TSPAN16: variants seen among roughly 807,000 people sequenced by gnomAD.
TSPAN16 encodes the protein tetraspanin-16.
Under a neutral mutation model 25.2 loss-of-function variants are expected in TSPAN16, and 23 were observed. The observed-to-expected ratio is 0.91, with a 90% CI of 0.66 to 1.29. The LOEUF is 1.29. Among genes scored for constraint, TSPAN16 ranks in the 50% most tolerant of loss-of-function variants. The pLI is 0.00. For synonymous variants in TSPAN16, 123 were observed against 124.4 expected, an observed-to-expected ratio of 0.99 and a Z score of 0.08; for missense variants, 272 against 299.9, an observed-to-expected ratio of 0.91 and a Z score of 0.69.
intron 6 of TSPAN16, among the ~76,000 whole-genome samples, chr19:11,315,388 T>TGG (rs1486215925): frequency 3.4e-5 from 5 of 148,542 alleles, no homozygotes; most frequent in Non-Finnish European, 7.4e-5. Context: ...AAACCCCGTC[T>TGG]CTACTAAAAT....
At chr19:11,307,817 T>C (rs1185007782) in intron 5 of TSPAN16, 1 of 152,180 alleles carries the variant, frequency 6.6e-6, no homozygotes, top group Non-Finnish European at 1.5e-5. Context: ...GTGTTCAGCT[T>C]ATTTTGACAA....
At chr19:11,302,654 C>A (rs1248773339) in intron 4 of TSPAN16, among the ~76,000 whole-genome samples, 1 of 100,726 alleles carries the variant, frequency 9.9e-6, no homozygotes, top group African/African-American at 6.1e-5. Context: ...TATATATATA[C>A]ACATACATAT....
intron 5 of TSPAN16, among the ~76,000 whole-genome samples, chr19:11,309,998 G>C (rs1013678774): frequency 1.3e-5 from 2 of 152,104 alleles, no homozygotes; most frequent in African/African-American, 4.8e-5. Flanking sequence ...TCAGCTGCTT[G>C]GGAGGCTGAC....
downstream of TSPAN16, among the ~76,000 whole-genome samples, chr19:11,320,684 A>T (rs1456923530): frequency 1.3e-5 from 2 of 151,800 alleles, no homozygotes; most frequent in African/African-American, 4.8e-5. Flanking sequence ...AAAAAAAAAA[A>T]AAAGAAAAGA....
At chr19:11,318,274 C>G (rs1427626499), downstream of TSPAN16, among the ~76,000 whole-genome samples, 1 of 152,080 alleles carries the variant, frequency 6.6e-6, no homozygotes, top group East Asian at 1.9e-4. Flanking sequence ...ATCCGCCCCC[C>G]TAGGCCTCCC....
intron 4 of TSPAN16, among the ~76,000 whole-genome samples, chr19:11,304,003 A>C (rs1411656503): frequency 1.3e-5 from 2 of 151,110 alleles, no homozygotes; most frequent in African/African-American, 4.9e-5. Flanking sequence ...GCTGGTCTCA[A>C]ATTTTTGACC....
intron 4 of TSPAN16, among the ~76,000 whole-genome samples, chr19:11,303,632 C>T (rs901627585): frequency 1.3e-5 from 2 of 150,840 alleles, no homozygotes; most frequent in African/African-American, 4.9e-5. Context: ...AACTCAGCCT[C>T]CCAAAGTGCT....
intron 6 of TSPAN16, chr19:11,326,706 C>A: frequency 1.5e-6 from 1 of 670,302 alleles, no homozygotes; most frequent in South Asian, 1.6e-5. Flanking sequence ...TGGGCTCAAG[C>A]GATCCTCCCG....
At chr19:11,318,686 G>T (rs760412124), downstream of TSPAN16, among the ~76,000 whole-genome samples, 1 of 150,714 alleles carries the variant, frequency 6.6e-6, no homozygotes, top group Non-Finnish European at 1.5e-5. Context: ...TTGCTCTGTC[G>T]CCCAAGCTGG....
chr19:11,325,290 A>G (rs1373588702), intron 6 of TSPAN16: 1 of 702,200 alleles, frequency 1.4e-6, no homozygotes, highest in Non-Finnish European at 2.3e-6. Context: ...AGCAGTTGAC[A>G]GGAGGGAAGG....
chr19:11,324,824 G>C (rs191546333), intron 6 of TSPAN16: 1 of 152,484 alleles, frequency 6.6e-6, no homozygotes, highest in Admixed American at 6.6e-5. Flanking sequence ...GCTGCTTTTC[G>C]CAAGTAGAGG....
intron 4 of TSPAN16, among the ~76,000 whole-genome samples, chr19:11,305,583 T>C (rs999046792): frequency 1.3e-5 from 2 of 151,074 alleles, no homozygotes; most frequent in African/African-American, 4.9e-5. Context: ...AAATCCTTGT[T>C]GGGCCAGGTG....
At chr19:11,322,848 G>C in intron 6 of TSPAN16, 1 of 152,188 alleles carries the variant, frequency 6.6e-6, no homozygotes, top group East Asian at 1.9e-4. Flanking sequence ...GGTTAGCTCT[G>C]CCCTATTCAA....
Position 11,321,792 on chromosome 19 carries a change from G to C in TSPAN16, c.688-5002G>C, listed in dbSNP as rs151329652. On this transcript the variant is annotated intron_variant, in intron 6 of 6. Coordinates refer to the TSPAN16 transcript ENST00000316737. The stretch of plus-strand genomic sequence containing the variant: ...GTTCTAAGCAGAGGAGGAATGCGCT[G>C]TGACTCAGGTGTTCACAGGTGCCCT... Among the ~76,000 whole-genome samples the C allele has an allele frequency of 4.0e-3, 613 of 152,306 alleles. 2 individuals carry two copies. Among genetic ancestry groups the C allele is most frequent in the African/African-American group, 0.014 (568 of 41,570 alleles).
downstream of TSPAN16, among the ~76,000 whole-genome samples, chr19:11,319,895 A>G (rs1467803029): frequency 6.6e-6 from 1 of 151,994 alleles, no homozygotes; most frequent in Admixed American, 6.5e-5. Context: ...GCTCACTGCA[A>G]GCTCCACCTC....
intron 6 of TSPAN16, among the ~76,000 whole-genome samples, chr19:11,326,604 C>T (rs1241638236): frequency 6.6e-6 from 1 of 152,162 alleles, no homozygotes; most frequent in African/African-American, 2.4e-5. Context: ...GTCACATTTT[C>T]CATTGCTTTT....
chr19:11,302,679 AC>A (rs1292426417), intron 4 of TSPAN16, among the ~76,000 whole-genome samples: 1 of 112,330 alleles, frequency 8.9e-6, no homozygotes, highest in African/African-American at 4.0e-5. Context: ...ATATATATAT[AC>A]ACACACACAC....
chr19:11,318,729 C>T (rs1480141160), downstream of TSPAN16, among the ~76,000 whole-genome samples: 1 of 152,106 alleles, frequency 6.6e-6, no homozygotes, highest in Non-Finnish European at 1.5e-5. Flanking sequence ...TCACTGCAAC[C>T]TCTGCCTCCT....
intron 4 of TSPAN16, among the ~76,000 whole-genome samples, chr19:11,304,364 C>G (rs894806918): frequency 6.6e-6 from 1 of 151,224 alleles, no homozygotes; most frequent in Non-Finnish European, 1.5e-5. Context: ...GTACTTAAGA[C>G]AGAGTCGTAC....
Sources: allele counts gnomAD v4.1 joint callset (sites outside exome capture counted in the v4.1 genomes callset), GRCh38; gene constraint gnomAD v4.1.1; transcripts MANE v1.5; gene names NCBI Gene and HGNC (gene_info 2026-07-23, HGNC 2026-07-21).